C1orf87: variants seen among roughly 807,000 people sequenced by gnomAD.
C1orf87 encodes uncharacterized protein C1orf87.
Under a neutral mutation model 60.5 loss-of-function variants are expected in C1orf87, and 58 were observed. That is an observed-to-expected ratio of 0.96 (90% CI 0.78 to 1.19). C1orf87 has a LOEUF of 1.19. C1orf87 is among the 50% of genes most tolerant of loss of function. The pLI is 0.00. For missense variants in C1orf87, 673 were observed against 638.6 expected (o/e 1.05, Z -0.58); for synonymous variants, 236 against 227.4 (o/e 1.04, Z -0.34).
intron 8 of C1orf87, among the ~76,000 whole-genome samples, chr1:60,024,808 C>T (rs1322116528): frequency 1.3e-5 from 2 of 152,146 alleles, no homozygotes; most frequent in Non-Finnish European, 2.9e-5. Flanking sequence ...ATCACTGCTT[C>T]ATATATTTTG....
At chr1:60,004,038 G>A (rs1645026057) in intron 9 of C1orf87, among the ~76,000 whole-genome samples, 1 of 151,928 alleles carries the variant, frequency 6.6e-6, no homozygotes, top group Admixed American at 6.6e-5. Context: ...TAGTAGCATT[G>A]GCTACTGCTT....
At chr1:60,014,754 T>C (rs1000204666) in intron 8 of C1orf87, among the ~76,000 whole-genome samples, 1 of 152,196 alleles carries the variant, frequency 6.6e-6, no homozygotes, top group African/African-American at 2.4e-5. Context: ...GAACAGTATG[T>C]ACAGTATGTA....
chr1:60,042,277 C>T (rs796133519), intron 3 of C1orf87, among the ~76,000 whole-genome samples: 20 of 151,848 alleles, frequency 1.3e-4, no homozygotes, highest in African/African-American at 3.9e-4. Flanking sequence ...TTTTTTTACC[C>T]GGGCTGGAGT....
chr1:60,049,825 A>G (rs897202891), intron 3 of C1orf87, among the ~76,000 whole-genome samples: 12 of 152,128 alleles, frequency 7.9e-5, no homozygotes, highest in Non-Finnish European at 1.3e-4. Flanking sequence ...AAACTTCTCT[A>G]TAGCTATCCA....
intron 3 of C1orf87, among the ~76,000 whole-genome samples, chr1:60,052,378 G>A (rs1645420943): frequency 6.6e-6 from 1 of 152,092 alleles, no homozygotes; most frequent in Non-Finnish European, 1.5e-5. Flanking sequence ...GAATTTGGAG[G>A]CAAAAAGATC....
intron 6 of C1orf87, among the ~76,000 whole-genome samples, chr1:60,034,315 G>T (rs1645259895): frequency 6.6e-6 from 1 of 152,324 alleles, no homozygotes; most frequent in East Asian, 1.9e-4. Context: ...TATATTCACT[G>T]ATTTTATGAA....
intron 2 of C1orf87, among the ~76,000 whole-genome samples, chr1:60,071,193 C>T (rs1645582019): frequency 6.6e-6 from 1 of 152,090 alleles, no homozygotes; most frequent in African/African-American, 2.4e-5. Flanking sequence ...TTTTTTGTTA[C>T]ATTTTTTATA....
intron 9 of C1orf87, among the ~76,000 whole-genome samples, chr1:60,004,899 A>G (rs1281715014): frequency 2.9e-5 from 4 of 138,272 alleles, no homozygotes; most frequent in Non-Finnish European, 6.5e-5. Context: ...AGCCTTTAGC[A>G]CTGGCTGCAT....
At chr1:60,002,367 A>G (rs570711331) in intron 9 of C1orf87, among the ~76,000 whole-genome samples, 6 of 152,176 alleles carry the variant, frequency 3.9e-5, no homozygotes, top group Non-Finnish European at 5.9e-5. Context: ...TATTGTAAGG[A>G]TTAAATGGAC....
chr1:60,068,493 A>T (rs1645563484), intron 2 of C1orf87, among the ~76,000 whole-genome samples: 1 of 152,152 alleles, frequency 6.6e-6, no homozygotes, highest in South Asian at 2.1e-4. Flanking sequence ...TTGTGATTAT[A>T]TCAATTGTTC....
At chr1:60,066,448 C>A (rs909653330) in intron 2 of C1orf87, among the ~76,000 whole-genome samples, 10 of 152,148 alleles carry the variant, frequency 6.6e-5, no homozygotes, top group Non-Finnish European at 1.3e-4. Context: ...CTTTGCTCAT[C>A]TATAAGAAGC....
intron 8 of C1orf87, among the ~76,000 whole-genome samples, chr1:60,011,746 G>C (rs1452661186): frequency 6.6e-6 from 1 of 152,068 alleles, no homozygotes; most frequent in Admixed American, 6.6e-5. Flanking sequence ...TAAATAAAAT[G>C]AGTTAAATAG....
At chr1:60,045,690 T>C (rs904107849) in intron 3 of C1orf87, among the ~76,000 whole-genome samples, 2 of 152,114 alleles carry the variant, frequency 1.3e-5, no homozygotes, top group African/African-American at 4.8e-5. Flanking sequence ...TAAAGTGTAG[T>C]CTTTGGGCCA....
chr1:60,067,942 G>A (rs1346650404), intron 2 of C1orf87, among the ~76,000 whole-genome samples: 1 of 152,122 alleles, frequency 6.6e-6, no homozygotes, highest in Non-Finnish European at 1.5e-5. Context: ...TCAGCACATG[G>A]CTAGCCAGTT....
At position 60,055,438 on chromosome 1, in the gene C1orf87, GC is replaced by G. The variant is rs1250350136; in HGVS notation, c.108-1del. 6.2e-7 allele frequency: 1 copy of G among 1,612,774 alleles called. No individual in the cohort carries two copies. ...CTGTTTTCAAGCTGTCATTCTCCTT[GC>G]TGTGAAGAAAGAATTGTATACTTTG... is the stretch of plus-strand genomic sequence containing the variant. On this transcript the variant is annotated splice_acceptor_variant, in intron 2 of 11. Transcript: ENST00000371201. LOFTEE classifies it high-confidence loss of function.
At chr1:60,061,186 T>C (rs1469529700) in intron 2 of C1orf87, among the ~76,000 whole-genome samples, 1 of 152,182 alleles carries the variant, frequency 6.6e-6, no homozygotes. Flanking sequence ...ATCAGGAATA[T>C]ATAAAAAGAT....
chr1:60,033,735 C>A, intron 6 of C1orf87, 94 bp from the exon 7 acceptor site: 2 of 1,408,454 alleles, frequency 1.4e-6, no homozygotes, highest in South Asian at 2.9e-5. Flanking sequence ...TTGCTACACA[C>A]TATGGAACCA....
chr1:60,034,534 A>C (rs113581512), intron 6 of C1orf87, among the ~76,000 whole-genome samples: 5 of 152,310 alleles, frequency 3.3e-5, no homozygotes, highest in South Asian at 2.1e-4. Flanking sequence ...AATCTTTAAC[A>C]ATCAGCTTTG....
At chr1:60,045,831 C>T (rs76003324) in intron 3 of C1orf87, among the ~76,000 whole-genome samples, 1,691 of 152,266 alleles carry the variant, frequency 0.011, 36 homozygotes, top group African/African-American at 0.039. Context: ...GTAATTCTGA[C>T]GCACGCTGAA....
Sources: allele counts gnomAD v4.1 joint callset (sites outside exome capture counted in the v4.1 genomes callset), GRCh38; gene constraint gnomAD v4.1.1; transcripts MANE v1.5; gene names NCBI Gene and HGNC (gene_info 2026-07-23, HGNC 2026-07-21).